The following MEIG1 variants were observed in gnomAD, a reference collection of about 807,000 sequenced individuals.
MEIG1 encodes the protein meiosis/spermiogenesis associated 1.
A neutral mutation model predicts 11.3 loss-of-function variants in MEIG1; 12 were observed. The observed-to-expected ratio is 1.07, with a 90% CI of 0.68 to 1.73. MEIG1 has a LOEUF of 1.73. MEIG1 is among the 40% of genes most tolerant of loss of function. The pLI, the probability that MEIG1 is intolerant of heterozygous loss-of-function variation, is 0.00. For synonymous variants in MEIG1, 41 were observed against 33.2 expected, an observed-to-expected ratio of 1.24 and a Z score of -0.81; for missense variants, 119 against 104.9, an observed-to-expected ratio of 1.13 and a Z score of -0.59.
At chr10:14,961,638 A>ATTTTTTTTTTTTTTT (rs34536061) in intron 1 of MEIG1, among the ~76,000 whole-genome samples, 11,143 of 75,476 alleles carry the variant, frequency 0.15, 2,575 homozygotes, top group Non-Finnish European at 0.21. Flanking sequence ...CATCCGGCTA[A>ATTTTTTTTTTTTTTT]TTTTTTTTTT....
downstream of MEIG1, among the ~76,000 whole-genome samples, chr10:14,975,124 G>T (rs1179600676): frequency 6.6e-6 from 1 of 152,074 alleles, no homozygotes; most frequent in Non-Finnish European, 1.5e-5. Flanking sequence ...CATCCACCCG[G>T]TGATGTTCCT....
downstream of MEIG1, among the ~76,000 whole-genome samples, chr10:14,976,798 C>A (rs560817741): frequency 6.6e-6 from 1 of 152,002 alleles, no homozygotes; most frequent in South Asian, 2.1e-4. Context: ...TCATAATATT[C>A]CAGGAAAACG....
At chr10:14,966,710 A>G in intron 2 of MEIG1, 104 bp downstream of exon 2, 1 of 995,952 alleles carries the variant, frequency 1.0e-6, no homozygotes, top group Non-Finnish European at 1.5e-6. Flanking sequence ...TTCGACTCCA[A>G]CTCTCTCATT....
At chr10:14,974,683 AATG>A (rs1326315109), downstream of MEIG1, among the ~76,000 whole-genome samples, 1 of 152,150 alleles carries the variant, frequency 6.6e-6, no homozygotes, top group East Asian at 1.9e-4. Flanking sequence ...TAGCGATAAT[AATG>A]ATAATTCACA....
intron 2 of MEIG1, among the ~76,000 whole-genome samples, chr10:14,968,028 AT>A (rs1843107394): frequency 1.3e-5 from 2 of 152,242 alleles, no homozygotes; most frequent in African/African-American, 4.8e-5. Context: ...ATATATTTTA[AT>A]TTTTAGATTT....
chr10:14,977,140 G>A (rs986213847), downstream of MEIG1, among the ~76,000 whole-genome samples: 12 of 152,054 alleles, frequency 7.9e-5, no homozygotes, highest in Admixed American at 7.9e-4. Context: ...TAATGTCACA[G>A]GCGTGTACAG....
intron 1 of MEIG1, among the ~76,000 whole-genome samples, chr10:14,983,452 C>G (rs1843285144): frequency 6.6e-6 from 1 of 151,994 alleles, no homozygotes; most frequent in South Asian, 2.1e-4. Context: ...ACTCCCCATA[C>G]AGCAGGAGGT....
At chr10:14,975,796 G>T (rs1331476968), downstream of MEIG1, among the ~76,000 whole-genome samples, 1 of 152,096 alleles carries the variant, frequency 6.6e-6, no homozygotes, top group Non-Finnish European at 1.5e-5. Context: ...GCATGGGATG[G>T]ACACGCCCCC....
intron 2 of MEIG1, among the ~76,000 whole-genome samples, chr10:14,971,555 G>A (rs988070526): frequency 6.6e-6 from 1 of 151,616 alleles, no homozygotes; most frequent in African/African-American, 2.4e-5. Context: ...AAAAAAAAAT[G>A]GATTTCAAGG....
intron 1 of MEIG1, among the ~76,000 whole-genome samples, chr10:14,983,022 T>C (rs2131284147): frequency 6.6e-6 from 1 of 152,240 alleles, no homozygotes; most frequent in East Asian, 1.9e-4. Context: ...GATATTCCTG[T>C]TAATAATAAA....
At position 14,978,432 on chromosome 10, in the gene MEIG1, T is replaced by TC. The variant is rs1047693269; in HGVS notation, n.66+5818dup. Among the ~76,000 whole-genome samples, 7 of 151,654 alleles carry TC rather than the reference T, an allele frequency of 4.6e-5. No homozygotes were observed. In the South Asian group the frequency reaches 6.3e-4, roughly 14 times the overall value. ...TTAGTCCAAAACCAAAGGCGTGTGTTCCCCCCATGATATTATTCGTAATAC... is the reference window on the plus strand; with the variant it reads ...TTAGTCCAAAACCAAAGGCGTGTGTTCCCCCCCATGATATTATTCGTAATAC... On this transcript the variant is annotated intron_variant and non_coding_transcript_variant, in intron 1 of 2. Coordinates refer to the MEIG1 transcript ENST00000467536.
At chr10:14,963,393 CCTAA>C (rs1347841671) in intron 1 of MEIG1, among the ~76,000 whole-genome samples, 3 of 152,194 alleles carry the variant, frequency 2.0e-5, no homozygotes, top group Non-Finnish European at 2.9e-5. Flanking sequence ...CCACGCCCAG[CCTAA>C]CTTTTTTCTT....
At chr10:14,977,001 C>T (rs1309203708), downstream of MEIG1, among the ~76,000 whole-genome samples, 3 of 152,062 alleles carry the variant, frequency 2.0e-5, no homozygotes, top group African/African-American at 7.2e-5. Context: ...GGGGATGTTA[C>T]TTCTAATGTC....
downstream of MEIG1, among the ~76,000 whole-genome samples, chr10:14,975,445 C>T (rs4483481): frequency 0.67 from 101,427 of 151,822 alleles, 34,082 homozygotes; most frequent in Admixed American, 0.69. Flanking sequence ...TTGTTCTTAA[C>T]ATTCAAAGGT....
chr10:14,981,238 C>CT, intron 1 of MEIG1, among the ~76,000 whole-genome samples: 2 of 148,552 alleles, frequency 1.3e-5, no homozygotes, highest in African/African-American at 5.2e-5. Flanking sequence ...TCTCTCTTGG[C>CT]CTGGCTCAGT....
At chr10:14,980,746 T>C (rs12265279) in intron 1 of MEIG1, among the ~76,000 whole-genome samples, 8,028 of 152,152 alleles carry the variant, frequency 0.053, 699 homozygotes, top group African/African-American at 0.18. Context: ...TTCTTGAACC[T>C]TTGGGGAAGA....
intron 1 of MEIG1, among the ~76,000 whole-genome samples, chr10:14,962,104 T>C (rs1464918604): frequency 6.6e-6 from 1 of 152,124 alleles, no homozygotes; most frequent in Non-Finnish European, 1.5e-5. Context: ...CATCCAGCCA[T>C]TAAATGTATT....
intron 1 of MEIG1, among the ~76,000 whole-genome samples, chr10:14,985,168 C>A (rs903337867): frequency 6.6e-6 from 1 of 151,870 alleles, no homozygotes; most frequent in African/African-American, 2.4e-5. Flanking sequence ...TTGTAATATT[C>A]TAGAGATATG....
chr10:14,956,765 A>C (rs1842957536), upstream of MEIG1, among the ~76,000 whole-genome samples: 1 of 152,146 alleles, frequency 6.6e-6, no homozygotes, highest in Admixed American at 6.6e-5. Flanking sequence ...GTAGTGAGCA[A>C]AGTAGACAAA....
Sources: gnomAD v4.1 joint callset for allele counts (sites outside exome capture counted in the v4.1 genomes callset) on GRCh38, gnomAD v4.1.1 for gene constraint, MANE v1.5 for transcripts, NCBI Gene and HGNC (gene_info 2026-07-23, HGNC 2026-07-21) for gene names.